Variants in NFASC observed in about 807,000 individuals in gnomAD.
The protein encoded by NFASC is neurofascin.
In NFASC, 43 loss-of-function variants were observed where a neutral mutation model predicts 147.5. That is an observed-to-expected ratio of 0.29 (90% confidence interval 0.23 to 0.38). The LOEUF (loss-of-function observed/expected upper bound fraction) is 0.38. NFASC is among the 10% of genes least tolerant of loss of function. The probability of loss-of-function intolerance (pLI) is 1.00; values close to 1 mark genes in which losing one functional copy is unlikely to be tolerated. For missense variants in NFASC, 1,320 were observed against 1,689.0 expected (o/e 0.78, Z 3.83); for synonymous variants, 622 against 665.5 (o/e 0.93, Z 1.01).
chr1:204,881,387 G>T (rs1291870893), intron 1 of NFASC, among the ~76,000 whole-genome samples: 1 of 152,176 alleles, frequency 6.6e-6, no homozygotes, highest in African/African-American at 2.4e-5. Flanking sequence ...TTTTCTGATT[G>T]TATTAAAAGT....
At position 204,976,657 on chromosome 1, in the gene NFASC, C is replaced by T. The variant is rs769872524; in HGVS notation, c.1707-14C>T. The T allele has an allele frequency of 1.6e-5, 25 of 1,602,582 alleles. No individual in the cohort carries two copies. In the Middle Eastern group the frequency reaches 5.0e-4, roughly 32 times the overall value. The stretch of plus-strand genomic sequence containing the variant: ...CTACCCCCTCCTCCCAACCCTTCCT[C>T]GGTACCTTTGCAGGATGAAGAAGGA... On this transcript the variant is annotated splice_polypyrimidine_tract_variant and intron_variant, in intron 15 of 29. Coordinates refer to ENST00000339876, the MANE Select transcript of NFASC (RefSeq NM_001005388.3).
chr1:204,881,659 G>A (rs943396539), intron 1 of NFASC, among the ~76,000 whole-genome samples: 3 of 152,106 alleles, frequency 2.0e-5, no homozygotes, highest in African/African-American at 4.8e-5. Flanking sequence ...TGAAGAACAC[G>A]GGATAGTAGA....
chr1:204,836,904 C>G (rs1479347595), intron 1 of NFASC, among the ~76,000 whole-genome samples: 1 of 152,262 alleles, frequency 6.6e-6, no homozygotes, highest in Non-Finnish European at 1.5e-5. Context: ...TTCATTGCAT[C>G]TGCAGTTATT....
At chr1:204,967,948 CT>C (rs1348773554) in intron 8 of NFASC, 1 of 226,824 alleles carries the variant, frequency 4.4e-6, no homozygotes, top group Non-Finnish European at 8.6e-6. Flanking sequence ...AGATCTCGCA[CT>C]GCTCAGACAG....
chr1:204,979,581 G>A lies in NFASC; in HGVS notation c.2176+22G>A. 3 of 1,610,964 alleles carry A rather than the reference G, an allele frequency of 1.9e-6. No individual in the cohort carries two copies. Among genetic ancestry groups the A allele is most frequent in the Non-Finnish European group, 2.5e-6 (3 of 1,177,918 alleles). ...GCACGTGAGTACCCGAGGGCTGCCA[G>A]AGAAGGCTCCGGAACCCCGCACCCC... On this transcript the variant is annotated intron_variant, in intron 19 of 29. Transcript: ENST00000339876. This position sits in a 1 kb window ranked among gnomAD's most constrained non-coding sequence, Gnocchi z 6.0.
At chr1:204,890,461 G>A (rs2082160528) in intron 1 of NFASC, among the ~76,000 whole-genome samples, 1 of 152,104 alleles carries the variant, frequency 6.6e-6, no homozygotes, top group Non-Finnish European at 1.5e-5. Flanking sequence ...TCTTGAACTT[G>A]GTATGAAGAA....
rs539636202 is a variant in NFASC, at chr1:204,834,565, C to T, written c.-200+5783C>T. ...CCTCCCCTCCCGGGCTGGCCCAGCC[C>T]CTCCTGAAAGGCCTCCCTGGCAGCC... On this transcript the variant is annotated intron_variant, in intron 1 of 29. Transcript: ENST00000339876. Among the ~76,000 whole-genome samples, 19 of 152,304 alleles carry T rather than the reference C, an allele frequency of 1.2e-4. No individual in the cohort carries two copies. In the East Asian group the frequency reaches 3.7e-3, roughly 29 times the overall value.
chr1:204,969,498 C>T (rs189066277), intron 10 of NFASC, among the ~76,000 whole-genome samples: 10 of 152,284 alleles, frequency 6.6e-5, no homozygotes, highest in South Asian at 2.1e-4. Context: ...GGGTCCCCAC[C>T]GTGTGTGGCA....
chr1:204,970,584 A>G, intron 10 of NFASC, 32 bp from the exon 11 acceptor site: 1 of 1,612,386 alleles, frequency 6.2e-7, no homozygotes, highest in Non-Finnish European at 8.5e-7. Flanking sequence ...ATGCCATCTA[A>G]CTCCCCTGCC....
chr1:204,980,506 C>A, intron 20 of NFASC, 66 bp downstream of exon 20: 1 of 1,187,020 alleles, frequency 8.4e-7, no homozygotes, highest in Non-Finnish European at 1.2e-6. Flanking sequence ...GCCCCTCTCC[C>A]TTGATGCCCC....
intron 2 of NFASC, among the ~76,000 whole-genome samples, chr1:204,929,235 TA>T (rs1382360544): frequency 2.6e-5 from 4 of 152,092 alleles, no homozygotes; most frequent in Non-Finnish European, 5.9e-5. Context: ...TATCAATGGT[TA>T]AACACACAGC....
At chr1:204,864,003 A>G (rs763530444) in intron 1 of NFASC, among the ~76,000 whole-genome samples, 1 of 152,178 alleles carries the variant, frequency 6.6e-6, no homozygotes, top group Non-Finnish European at 1.5e-5. Context: ...GAAACTCTAT[A>G]ACCATTAAGC....
intron 2 of NFASC, among the ~76,000 whole-genome samples, chr1:204,928,535 A>C (rs1048534043): frequency 9.2e-5 from 14 of 152,208 alleles, no homozygotes; most frequent in African/African-American, 3.4e-4. Flanking sequence ...GGTCAAAGAG[A>C]CAGCATGAAG....
intron 1 of NFASC, among the ~76,000 whole-genome samples, chr1:204,869,152 A>G (rs1232121243): frequency 6.6e-6 from 1 of 152,182 alleles, no homozygotes; most frequent in East Asian, 1.9e-4. Context: ...GGAGGGAGCC[A>G]GGGTGGGAGT....
intron 29 of NFASC, among the ~76,000 whole-genome samples, chr1:205,014,996 T>C (rs1397446277): frequency 6.6e-6 from 1 of 152,072 alleles, no homozygotes; most frequent in African/African-American, 2.4e-5. Flanking sequence ...CCCACGGCTG[T>C]CCCACGAATA....
At chr1:204,912,892 G>T (rs2087993831) in intron 1 of NFASC, among the ~76,000 whole-genome samples, 1 of 151,972 alleles carries the variant, frequency 6.6e-6, no homozygotes, top group South Asian at 2.1e-4. Flanking sequence ...GCTAAGCGTG[G>T]TGGCACGTGC....
intron 2 of NFASC, among the ~76,000 whole-genome samples, chr1:204,930,433 G>C (rs182262739): frequency 6.6e-6 from 1 of 152,140 alleles, no homozygotes; most frequent in East Asian, 1.9e-4. Flanking sequence ...AGGATTTATT[G>C]TACTGATTCA....
chr1:204,973,201 C>T (rs2095309760), intron 11 of NFASC, 75 bp from the exon 12 acceptor site: 3 of 1,542,230 alleles, frequency 1.9e-6, no homozygotes, highest in Non-Finnish European at 8.9e-7. Context: ...TCCTGGGAGC[C>T]CTGGCCAGAG....
intron 3 of NFASC, among the ~76,000 whole-genome samples, chr1:204,945,651 G>A (rs1226078486): frequency 6.6e-6 from 1 of 152,200 alleles, no homozygotes. Flanking sequence ...GAATGTATGT[G>A]TGCATATGTA....
Sources: gnomAD v4.1 joint callset for allele counts (sites outside exome capture counted in the v4.1 genomes callset) on GRCh38, gnomAD v4.1.1 for gene constraint, Gnocchi (gnomAD v3.1) non-coding constraint, MANE v1.5 for transcripts, NCBI Gene and HGNC (gene_info 2026-07-23, HGNC 2026-07-21) for gene names.